Variants in PKP1 observed in about 807,000 individuals in gnomAD.
PKP1 encodes plakophilin-1.
A neutral mutation model predicts 76.4 loss-of-function variants in PKP1; 27 were observed. That is an observed-to-expected ratio of 0.35 (90% confidence interval 0.26 to 0.49). PKP1 has a LOEUF of 0.49. Ranked by LOEUF, PKP1 falls within the 20% of genes least tolerant of loss-of-function variation. The probability of loss-of-function intolerance (pLI) is 0.99; values close to 1 mark genes in which losing one functional copy is unlikely to be tolerated. For synonymous variants in PKP1, 404 were observed against 384.2 expected (o/e 1.05, Z -0.60); for missense variants, 964 against 955.2 (o/e 1.01, Z -0.12).
chr1:201,300,925 A>G (rs779898390), intron 2 of PKP1, among the ~76,000 whole-genome samples: 4 of 152,150 alleles, frequency 2.6e-5, no homozygotes, highest in African/African-American at 4.8e-5. Context: ...GAATGCCCCT[A>G]GGTCTGGACT....
rs776519471 is a variant in PKP1, at chr1:201,313,314, C to T, written c.455C>T (p.Ala152Val). The T allele has an allele frequency of 3.1e-6, 5 of 1,595,834 alleles. No individual in the cohort carries two copies. Among genetic ancestry groups the T allele is most frequent in the South Asian group, 1.1e-5 (1 of 88,288 alleles). Residue 152 changes from alanine (A) to valine (V), a missense_variant, in exon 3 of 14, where the codon GCG (alanine) becomes GTG (valine). By Grantham distance (64) the Ala-to-Val change is moderately conservative. Coordinates refer to ENST00000367324, the MANE Select transcript of PKP1 (RefSeq NM_001005337.3). ...SDICFMQKIK[A>V]SRSEPDLYCD... ...ATCTGCTTCATGCAGAAAATCAAGG[C>T]GAGCCGCAGTGAGCCCGACCTCTAC... is the stretch of plus-strand genomic sequence containing the variant.
chr1:201,304,686 G>C (rs961409567), intron 2 of PKP1, among the ~76,000 whole-genome samples: 1 of 152,192 alleles, frequency 6.6e-6, no homozygotes, highest in Non-Finnish European at 1.5e-5. Context: ...GGCCAGAGAT[G>C]CTAGAGTTTC....
chr1:201,304,818 G>A (rs1656328545), intron 2 of PKP1, among the ~76,000 whole-genome samples: 1 of 152,216 alleles, frequency 6.6e-6, no homozygotes, highest in Non-Finnish European at 1.5e-5. Context: ...CCTGAGTCCT[G>A]GCTTAGGGTC....
chr1:201,328,741 T>C (rs1327739546), intron 12 of PKP1, 21 bp from the exon 13 acceptor site: 1 of 1,612,356 alleles, frequency 6.2e-7, no homozygotes, highest in South Asian at 1.1e-5. Context: ...TGTCATTTGG[T>C]TGCTGTTTCT....
intron 7 of PKP1, 107 bp from the exon 8 acceptor site, chr1:201,321,871 G>C (rs762842574): frequency 2.3e-6 from 3 of 1,309,810 alleles, no homozygotes; most frequent in South Asian, 1.2e-5. Context: ...CATCTTTCCC[G>C]ATGCAGCCCA....
At chr1:201,325,176 C>G in intron 11 of PKP1, 49 bp downstream of exon 11, 1 of 1,573,984 alleles carries the variant, frequency 6.4e-7, no homozygotes, top group Non-Finnish European at 8.7e-7. Context: ...AGAGCCCCTC[C>G]TCACCCTGCA....
chr1:201,323,130 G>A lies in PKP1; in HGVS notation c.1621G>A (p.Asp541Asn), dbSNP rs978369182. 3 of 1,614,074 alleles carry A rather than the reference G, an allele frequency of 1.9e-6. No homozygotes were observed. Among genetic ancestry groups the A allele is most frequent in the African/African-American group, 2.7e-5 (2 of 74,940 alleles). The change falls in exon 9 of 14, where the codon GAT becomes AAT. Residue 541 changes from aspartate to asparagine, a missense_variant. Asp to Asn is a conservative substitution (Grantham distance 23). Coordinates refer to ENST00000367324, the MANE Select transcript of PKP1 (RefSeq NM_001005337.3). Reference sequence around the variant, plus strand: ...GAACCTCATGGGCAAGAGCAAGAAAGATGCTACCCTGGAGGCCTGTGCTGG... The same window carrying A: ...GAACCTCATGGGCAAGAGCAAGAAAAATGCTACCCTGGAGGCCTGTGCTGG... The part of the protein sequence containing the change: ...YLNLMGKSKK[D>N]ATLEACAGAL...
chr1:201,316,540 C>A lies in PKP1; in HGVS notation c.702-13C>A. On this transcript the variant is annotated splice_polypyrimidine_tract_variant and intron_variant, in intron 3 of 13. Transcript: ENST00000367324. ...CCCACCCCGTAACCACCCCCACTGC[C>A]TATTCTTCACAGGATCTGCAGTGAG... 6.3e-7 allele frequency: 1 copy of A among 1,598,306 alleles called. No individual in the cohort carries two copies. The highest frequency in any genetic ancestry group is 8.5e-7 in the Non-Finnish European group (1 of 1,172,014).
intron 2 of PKP1, among the ~76,000 whole-genome samples, chr1:201,298,853 G>T (rs1286867827): frequency 6.6e-6 from 1 of 152,194 alleles, no homozygotes; most frequent in Non-Finnish European, 1.5e-5. Flanking sequence ...TGTGCTAGGG[G>T]CCCTTACCCT....
chr1:201,316,580 T>G lies in PKP1; in HGVS notation c.729T>G (p.Ser243Arg). The change falls in exon 4 of 14, where the codon AGT (serine) becomes AGG (arginine). Residue 243 changes from serine (S) to arginine (R), a missense_variant. Coordinates refer to ENST00000367324, the MANE Select transcript of PKP1 (RefSeq NM_001005337.3). ...SKICSEDIEC[S>R]GLTIPKAVQY... ...TCTGCAGTGAGGACATCGAGTGCAG[T>G]GGGCTGACCATCCCCAAGGCTGTGC... 2 of 1,611,036 alleles carry G rather than the reference T, an allele frequency of 1.2e-6. No individual in the cohort carries two copies. The highest frequency in any genetic ancestry group is 1.7e-6 in the Non-Finnish European group (2 of 1,178,654).
Position 201,322,363 on chromosome 1 carries a change from A to G in PKP1, c.1503+230A>G, listed in dbSNP as rs551586625. On this transcript the variant is annotated intron_variant, in intron 8 of 13. Transcript: ENST00000367324. ...TCTTGGAACTGTAGGGGCTCAGACC[A>G]CCTTAGAGGTCAAAAACTCCAGCCT... 4.6e-5 allele frequency among the ~76,000 whole-genome samples: 7 copies of G among 152,272 alleles called. No homozygotes were observed. The South Asian group carries it at 1.4e-3, about 32-fold the overall frequency.
chr1:201,319,819 G>A (rs756015586), intron 6 of PKP1: 1 of 1,613,960 alleles, frequency 6.2e-7, no homozygotes, highest in Non-Finnish European at 8.5e-7. Flanking sequence ...CCCACAGAAA[G>A]AGACTGGGCA....
At chr1:201,310,712 C>G (rs17190) in intron 2 of PKP1, among the ~76,000 whole-genome samples, 130,907 of 152,248 alleles carry the variant, frequency 0.86, 57,586 homozygotes, top group East Asian at 1. Flanking sequence ...CCCAGCTGTC[C>G]TCAGGCAGCA....
At position 201,293,897 on chromosome 1, in the gene PKP1, A is replaced by C. The variant is rs1221405708; in HGVS notation, c.203-45A>C. 2.3e-6 allele frequency: 3 copies of C among 1,280,160 alleles called. No individual in the cohort carries two copies. In the South Asian group the frequency reaches 3.7e-5, roughly 16 times the overall value. 79.3% of individuals were successfully genotyped at this position (1,280,160 alleles called of 1,614,324 possible). ...ATGCCCTGAGGAACAGGGGTGGATG[A>C]AGATCATGGCCATCCCTGTCCTAAT... is the stretch of plus-strand genomic sequence containing the variant. On this transcript the variant is annotated intron_variant, in intron 1 of 13. Transcript: ENST00000367324.
intron 10 of PKP1, 59 bp downstream of exon 10, chr1:201,324,640 A>C: frequency 6.3e-7 from 1 of 1,591,528 alleles, no homozygotes; most frequent in Non-Finnish European, 8.6e-7. Flanking sequence ...CCTACAATTC[A>C]AGCCTGCTTG....
intron 2 of PKP1, among the ~76,000 whole-genome samples, chr1:201,294,454 A>G (rs1201163543): frequency 2.6e-5 from 4 of 152,182 alleles, no homozygotes. Flanking sequence ...GAGCCAAGAG[A>G]ACATGTCCAC....
Position 201,317,416 on chromosome 1 carries a change from A to G in PKP1, c.847-156A>G, listed in dbSNP as rs145543108. 9.5e-4 allele frequency among the ~76,000 whole-genome samples: 144 copies of G among 152,246 alleles called. 1 individual carries two copies. The highest frequency in any genetic ancestry group is 3.4e-3 in the African/African-American group (142 of 41,552). On this transcript the variant is annotated intron_variant, in intron 4 of 13. Transcript: ENST00000367324. The stretch of plus-strand genomic sequence containing the variant: ...TTTTGCCTCCGGGTCTGGGTCAGTT[A>G]TCATGACCTCACACTGCTTATTTAT...
At chr1:201,313,695 C>T (rs1441119444) in intron 3 of PKP1, 135 bp downstream of exon 3, 2 of 965,182 alleles carry the variant, frequency 2.1e-6, no homozygotes, top group African/African-American at 3.3e-5. Flanking sequence ...GTTCATTGCC[C>T]CTGGTGTAAT....
intron 5 of PKP1, 92 bp downstream of exon 5, chr1:201,317,871 G>T: frequency 1.6e-6 from 2 of 1,228,562 alleles, no homozygotes; most frequent in South Asian, 1.3e-5. Context: ...GTCTCTCCAG[G>T]CTGGGCCAAG....
Sources: gnomAD v4.1 joint callset for allele counts (sites outside exome capture counted in the v4.1 genomes callset) on GRCh38, gnomAD v4.1.1 for gene constraint, MANE v1.5 for transcripts, NCBI Gene and HGNC (gene_info 2026-07-23, HGNC 2026-07-21) for gene names.